DLGAP1: variants seen among roughly 807,000 people sequenced by gnomAD.
DLGAP1 encodes DLG associated protein 1, also known as disks large-associated protein 1.
Under a neutral mutation model 90.8 loss-of-function variants are expected in DLGAP1, and 11 were observed. The ratio of observed to expected loss-of-function variants is 0.12; its 90% CI spans 0.08 to 0.20. The LOEUF (loss-of-function observed/expected upper bound fraction) is 0.20, where lower values mean the gene tolerates loss of function less well. Among genes scored for constraint, DLGAP1 ranks in the 10% least tolerant of loss-of-function variants. The probability of loss-of-function intolerance (pLI) is 1.00; values close to 1 mark genes in which losing one functional copy is unlikely to be tolerated. For missense variants in DLGAP1, 1,050 were observed against 1,333.8 expected (o/e 0.79, Z 3.31); for synonymous variants, 558 against 540.7 (o/e 1.03, Z -0.44).
intron 3 of DLGAP1, among the ~76,000 whole-genome samples, chr18:3,991,766 CT>C (rs1455396424): frequency 1.3e-5 from 2 of 152,186 alleles, no homozygotes; most frequent in African/African-American, 4.8e-5. Context: ...TTGTCCTACT[CT>C]TTTCCACACA....
chr18:3,784,082 C>A (rs1474609068), intron 5 of DLGAP1, among the ~76,000 whole-genome samples: 2 of 152,228 alleles, frequency 1.3e-5, no homozygotes, highest in South Asian at 4.2e-4. Flanking sequence ...AGCATGAGGT[C>A]TTTTGTCTAC....
In DLGAP1 at chr18:3,561,805, G is replaced by A. The variant is rs144051548; in HGVS notation, c.2057+5685C>T. Among the ~76,000 whole-genome samples, 484 of 151,058 alleles carry A rather than the reference G, an allele frequency of 3.2e-3. 44 individuals carry two copies. Among genetic ancestry groups the A allele is most frequent in the African/African-American group, 0.011 (459 of 40,406 alleles). On this transcript the variant is annotated intron_variant, in intron 9 of 12. Coordinates refer to ENST00000315677, the MANE Select transcript of DLGAP1 (RefSeq NM_004746.4). ...GCTATTAGTCCGTTTTAACGCTGCT[G>A]ATAAAGACATACCTGATACTGCGCA...
At chr18:3,993,873 A>T (rs1599287268) in intron 3 of DLGAP1, among the ~76,000 whole-genome samples, 1 of 152,162 alleles carries the variant, frequency 6.6e-6, no homozygotes, top group Non-Finnish European at 1.5e-5. Context: ...TTGAGAAGAT[A>T]AAGTTTTAGT....
At chr18:4,036,017 C>T (rs2149138281) in intron 2 of DLGAP1, among the ~76,000 whole-genome samples, 1 of 152,086 alleles carries the variant, frequency 6.6e-6, no homozygotes, top group East Asian at 1.9e-4. Flanking sequence ...ACAGGTATCA[C>T]AGATATGTCA....
chr18:3,577,300 C>T (rs1320287719), intron 8 of DLGAP1, among the ~76,000 whole-genome samples: 2 of 152,170 alleles, frequency 1.3e-5, no homozygotes, highest in African/African-American at 4.8e-5. Flanking sequence ...TCTGGTAACC[C>T]CACCTTTTCC....
intron 8 of DLGAP1, among the ~76,000 whole-genome samples, chr18:3,574,809 ATTTTATTTTAT>A (rs377535198): frequency 0.034 from 2,017 of 59,376 alleles, 45 homozygotes; most frequent in African/African-American, 0.081. Flanking sequence ...ATTTTATTTT[ATTTTATTTTAT>A]TTTATTTATT....
intron 2 of DLGAP1, among the ~76,000 whole-genome samples, chr18:4,028,583 T>G (rs922803791): frequency 1.3e-5 from 2 of 152,170 alleles, no homozygotes; most frequent in Non-Finnish European, 2.9e-5. Flanking sequence ...CCTTATTCCA[T>G]AAATATATAT....
chr18:3,893,242 G>C (rs561118301), intron 3 of DLGAP1, among the ~76,000 whole-genome samples: 1 of 152,110 alleles, frequency 6.6e-6, no homozygotes, highest in Non-Finnish European at 1.5e-5. Flanking sequence ...TCATTTTTAT[G>C]GCTAAGCAGT....
At chr18:4,122,430 G>A (rs1181941916) in intron 2 of DLGAP1, among the ~76,000 whole-genome samples, 6 of 152,096 alleles carry the variant, frequency 3.9e-5, no homozygotes, top group East Asian at 1.9e-4. Flanking sequence ...CTGTGTTTTC[G>A]CTTTCTTATT....
intron 1 of DLGAP1, among the ~76,000 whole-genome samples, chr18:4,340,683 G>C (rs2081170118): frequency 6.6e-6 from 1 of 151,916 alleles, no homozygotes; most frequent in African/African-American, 2.4e-5. Context: ...ATCACAGTTA[G>C]TAACTTGGTT....
chr18:4,071,867 A>C (rs1267005825), intron 2 of DLGAP1, among the ~76,000 whole-genome samples: 1 of 152,226 alleles, frequency 6.6e-6, no homozygotes, highest in African/African-American at 2.4e-5. Flanking sequence ...GTTAATTCAA[A>C]GTTCCCATTG....
At chr18:4,193,004 AT>A (rs751484095) in intron 1 of DLGAP1, among the ~76,000 whole-genome samples, 1 of 152,214 alleles carries the variant, frequency 6.6e-6, no homozygotes, top group Admixed American at 6.5e-5. Flanking sequence ...AATATAGTAG[AT>A]TTTCATACCT....
rs187046374 is a variant in DLGAP1, at chr18:3,734,469, T to C, written c.1351-5094A>G. 3.9e-5 allele frequency among the ~76,000 whole-genome samples: 6 copies of C among 152,048 alleles called. No individual in the cohort carries two copies. In the East Asian group the frequency reaches 1.2e-3, roughly 29 times the overall value. Reference sequence around the variant, plus strand: ...CCTTCCTTTCTAGTTCCTTTTTTTTTAGTGTATTTTTACCTTTTTGTAGAT... The same window carrying C: ...CCTTCCTTTCTAGTTCCTTTTTTTTCAGTGTATTTTTACCTTTTTGTAGAT... On this transcript the variant is annotated intron_variant, in intron 6 of 12. Coordinates refer to ENST00000315677, the MANE Select transcript of DLGAP1 (RefSeq NM_004746.4).
intron 9 of DLGAP1, among the ~76,000 whole-genome samples, chr18:3,550,421 T>C (rs2053321746): frequency 6.6e-6 from 1 of 152,046 alleles, no homozygotes; most frequent in Admixed American, 6.5e-5. Flanking sequence ...AGAGAGGGTC[T>C]GGCTATTTTG....
At chr18:3,916,974 T>C (rs2072159039) in intron 3 of DLGAP1, among the ~76,000 whole-genome samples, 1 of 152,234 alleles carries the variant, frequency 6.6e-6, no homozygotes, top group Admixed American at 6.5e-5. Flanking sequence ...ATAAAAACTG[T>C]ACCTTGAGTA....
chr18:3,606,238 C>G (rs1392643976), intron 7 of DLGAP1, among the ~76,000 whole-genome samples: 1 of 152,118 alleles, frequency 6.6e-6, no homozygotes, highest in East Asian at 1.9e-4. Context: ...CGAGTCACCA[C>G]GCTCAGGAAG....
At chr18:3,878,055 G>C (rs1387201101) in intron 4 of DLGAP1, 1 of 152,078 alleles carries the variant, frequency 6.6e-6, no homozygotes, top group East Asian at 1.9e-4. Context: ...GGAGTTCAAA[G>C]GGAGCAAAAA....
At chr18:4,291,679 T>C (rs1398137197) in intron 1 of DLGAP1, among the ~76,000 whole-genome samples, 1 of 152,154 alleles carries the variant, frequency 6.6e-6, no homozygotes, top group Non-Finnish European at 1.5e-5. Flanking sequence ...TAAGATGCTA[T>C]ATAATACTTT....
rs746658183 is a variant in DLGAP1, at chr18:4,012,054, C to T, written c.-158-6853G>A. Among the ~76,000 whole-genome samples, 7 of 152,134 alleles carry T rather than the reference C, an allele frequency of 4.6e-5. No individual in the cohort carries two copies. In the South Asian group the frequency reaches 1.5e-3, roughly 32 times the overall value. ...TCCTTGGGCATCCATCTCTCCCTTT[C>T]ATCCCTCTAACACTGCTTGAATTCA... On this transcript the variant is annotated intron_variant, in intron 2 of 12. Coordinates refer to ENST00000315677, the MANE Select transcript of DLGAP1 (RefSeq NM_004746.4).
Sources: gnomAD v4.1 joint callset for allele counts (sites outside exome capture counted in the v4.1 genomes callset) on GRCh38, gnomAD v4.1.1 for gene constraint, MANE v1.5 for transcripts, NCBI Gene and HGNC (gene_info 2026-07-23, HGNC 2026-07-21) for gene names.